Variants in CCSER1 observed in about 807,000 individuals in gnomAD.
CCSER1 encodes serine-rich coiled-coil domain-containing protein 1.
In CCSER1, 41 loss-of-function variants were observed where a neutral mutation model predicts 82.0. The ratio of observed to expected loss-of-function variants is 0.50; its 90% CI spans 0.39 to 0.65. The LOEUF (loss-of-function observed/expected upper bound fraction) is 0.65, where lower values mean the gene tolerates loss of function less well. CCSER1 is among the 30% of genes least tolerant of loss of function. CCSER1 has a pLI of 0.00. For synonymous variants in CCSER1, 414 were observed against 383.9 expected, an observed-to-expected ratio of 1.08 and a Z score of -0.92; for missense variants, 1,119 against 1,064.2, an observed-to-expected ratio of 1.05 and a Z score of -0.72.
At chr4:90,299,902 TG>T (rs1357601301) in intron 1 of CCSER1, among the ~76,000 whole-genome samples, 1 of 152,170 alleles carries the variant, frequency 6.6e-6, no homozygotes, top group Non-Finnish European at 1.5e-5. Flanking sequence ...TCCTTTGATA[TG>T]TTTACATATT....
At chr4:91,023,650 A>G (rs1442398201) in intron 9 of CCSER1, among the ~76,000 whole-genome samples, 1 of 152,210 alleles carries the variant, frequency 6.6e-6, no homozygotes, top group Non-Finnish European at 1.5e-5. Flanking sequence ...TTATACCAAA[A>G]TTAATTCAAG....
At chr4:91,079,969 C>A (rs1034941856) in intron 9 of CCSER1, among the ~76,000 whole-genome samples, 1 of 151,998 alleles carries the variant, frequency 6.6e-6, no homozygotes, top group African/African-American at 2.4e-5. Context: ...ATAATAATGG[C>A]AGACTTTAAC....
Position 91,293,503 on chromosome 4 carries a change from C to T in CCSER1, c.2217+207509C>T, listed in dbSNP as rs543486125. Among the ~76,000 whole-genome samples, 53 of 151,746 alleles carry T rather than the reference C, an allele frequency of 3.5e-4. No homozygotes were observed. The South Asian group carries it at 0.01, about 29-fold the overall frequency. ...AATGAATAACATGTTATTTGTTTACCACTGCTTTTGTTTCAATTGACATGG... is the reference window on the plus strand; with the variant it reads ...AATGAATAACATGTTATTTGTTTACTACTGCTTTTGTTTCAATTGACATGG... On this transcript the variant is annotated intron_variant, in intron 10 of 10. Transcript: ENST00000509176.
At chr4:91,299,338 C>G (rs1394015073) in intron 10 of CCSER1, among the ~76,000 whole-genome samples, 1 of 151,964 alleles carries the variant, frequency 6.6e-6, no homozygotes, top group African/African-American at 2.4e-5. Context: ...CAAACATTAT[C>G]TCACTTGAGA....
chr4:91,523,246 C>T (rs1760590029), intron 10 of CCSER1, among the ~76,000 whole-genome samples: 1 of 152,130 alleles, frequency 6.6e-6, no homozygotes, highest in Non-Finnish European at 1.5e-5. Flanking sequence ...GGTGGATAAG[C>T]TTTTTGATGT....
At chr4:90,452,283 G>A (rs978228486) in intron 4 of CCSER1, among the ~76,000 whole-genome samples, 8 of 152,254 alleles carry the variant, frequency 5.3e-5, no homozygotes, top group African/African-American at 1.4e-4. Flanking sequence ...CCCCAGCTTC[G>A]TCTGGGAGGA....
chr4:90,937,332 A>G (rs576779829), intron 9 of CCSER1, among the ~76,000 whole-genome samples: 2 of 152,272 alleles, frequency 1.3e-5, no homozygotes, highest in East Asian at 1.9e-4. Flanking sequence ...TCAACTCTCA[A>G]TCCTGCTGAG....
intron 3 of CCSER1, among the ~76,000 whole-genome samples, chr4:90,377,518 A>G (rs1368551099): frequency 6.6e-6 from 1 of 152,196 alleles, no homozygotes; most frequent in East Asian, 1.9e-4. Flanking sequence ...TGCCAGCAAC[A>G]TGTAAATACA....
rs61140876 is a variant in CCSER1, at chr4:90,360,579, CAAAAAAA to C, written c.1510-39440_1510-39434del. Among the ~76,000 whole-genome samples the C allele has an allele frequency of 5.3e-4, 40 of 75,976 alleles. 1 individual carries two copies. Among genetic ancestry groups the C allele is most frequent in the Non-Finnish European group, 8.2e-4 (33 of 40,418 alleles). 49.8% of individuals were successfully genotyped at this position (75,976 alleles called of 152,430 possible). On this transcript the variant is annotated intron_variant, in intron 3 of 10. Transcript: ENST00000509176. ...TGGACGACAGAGCGAGACTCCGTCT[CAAAAAAA>C]AAAAAAAAAAAAAAAAGCTTCCACA...
intron 5 of CCSER1, among the ~76,000 whole-genome samples, chr4:90,572,670 T>G (rs987457452): frequency 2.0e-5 from 3 of 152,112 alleles, no homozygotes; most frequent in African/African-American, 7.2e-5. Flanking sequence ...TCTCTGGGAT[T>G]TCTGTTTGGT....
intron 10 of CCSER1, among the ~76,000 whole-genome samples, chr4:91,595,158 T>TG (rs961706259): frequency 1.3e-5 from 2 of 152,116 alleles, no homozygotes; most frequent in African/African-American, 4.8e-5. Context: ...CCCACCGACT[T>TG]GCCTGAATTG....
intron 3 of CCSER1, among the ~76,000 whole-genome samples, chr4:90,396,944 GGACTGTTGCTGCTATTGGT>G (rs6148565): frequency 0.067 from 10,134 of 152,112 alleles, 565 homozygotes; most frequent in African/African-American, 0.15. Context: ...GTCGGCAAAA[GGACTGTTGCTGCTATTGGT>G]GACTGTTGCT....
At chr4:90,372,760 T>TA (rs36097232) in intron 3 of CCSER1, among the ~76,000 whole-genome samples, 39 of 144,880 alleles carry the variant, frequency 2.7e-4, no homozygotes, top group Middle Eastern at 3.4e-3. Context: ...AAAAAACGTA[T>TA]AAAAAAAAAA....
intron 5 of CCSER1, among the ~76,000 whole-genome samples, chr4:90,623,916 T>G (rs543183674): frequency 1.1e-3 from 160 of 152,322 alleles, no homozygotes; most frequent in Non-Finnish European, 1.9e-3. Context: ...TGTGCTGGTC[T>G]TAGAATTATT....
intron 10 of CCSER1, among the ~76,000 whole-genome samples, chr4:91,152,105 G>A (rs1198416654): frequency 2.0e-5 from 3 of 152,164 alleles, no homozygotes; most frequent in Non-Finnish European, 4.4e-5. Context: ...TTGTGTAGGA[G>A]TCTAAGTCTC....
At chr4:91,242,820 A>G (rs1456393066) in intron 10 of CCSER1, among the ~76,000 whole-genome samples, 1 of 152,206 alleles carries the variant, frequency 6.6e-6, no homozygotes, top group Non-Finnish European at 1.5e-5. Context: ...AAAAATGGAC[A>G]AAAGATCTAA....
intron 1 of CCSER1, among the ~76,000 whole-genome samples, chr4:90,185,466 G>A (rs1206399753): frequency 6.6e-6 from 1 of 152,060 alleles, no homozygotes; most frequent in Non-Finnish European, 1.5e-5. Flanking sequence ...GAAGTCAAAT[G>A]TACAATATGG....
chr4:90,752,685 C>T (rs946390541), intron 7 of CCSER1, among the ~76,000 whole-genome samples: 1 of 152,022 alleles, frequency 6.6e-6, no homozygotes, highest in African/African-American at 2.4e-5. Context: ...AGCCTCTTCT[C>T]CAGATATACT....
At chr4:90,466,220 C>G (rs1763618727) in intron 4 of CCSER1, among the ~76,000 whole-genome samples, 2 of 152,088 alleles carry the variant, frequency 1.3e-5, no homozygotes, top group African/African-American at 4.8e-5. Context: ...TCACATGAGC[C>G]CTTTAAAAGC....
Sources: allele counts gnomAD v4.1 joint callset (sites outside exome capture counted in the v4.1 genomes callset), GRCh38; gene constraint gnomAD v4.1.1; transcripts MANE v1.5; gene names NCBI Gene and HGNC (gene_info 2026-07-23, HGNC 2026-07-21).